Variants in NIPBL observed in about 807,000 individuals in gnomAD.
NIPBL encodes nipped-B-like protein.
Under a neutral mutation model 321.8 loss-of-function variants are expected in NIPBL, and 19 were observed. The observed-to-expected ratio is 0.06, with a 90% CI of 0.04 to 0.09. The LOEUF (loss-of-function observed/expected upper bound fraction) is 0.09, where lower values mean the gene tolerates loss of function less well. NIPBL is among the 10% of genes least tolerant of loss of function. The pLI is 1.00. For synonymous variants in NIPBL, 1,106 were observed against 1,114.1 expected (o/e 0.99, Z 0.14); for missense variants, 2,210 against 3,327.0 (o/e 0.66, Z 8.26).
intron 40 of NIPBL, among the ~76,000 whole-genome samples, chr5:37,049,553 A>C (rs1466130879): frequency 6.6e-6 from 1 of 152,164 alleles, no homozygotes; most frequent in African/African-American, 2.4e-5. Flanking sequence ...TTATTTTTCT[A>C]AGTATGGGTG....
At chr5:36,957,242 T>C (rs1741068797) in intron 3 of NIPBL, among the ~76,000 whole-genome samples, 2 of 152,180 alleles carry the variant, frequency 1.3e-5, no homozygotes, top group African/African-American at 2.4e-5. Context: ...TGCTGTGAAG[T>C]GTATTGAAAT....
intron 9 of NIPBL, among the ~76,000 whole-genome samples, chr5:36,979,550 C>T (rs186704787): frequency 1.4e-4 from 21 of 151,784 alleles, no homozygotes; most frequent in Non-Finnish European, 2.7e-4. Flanking sequence ...ATTTGACTTC[C>T]TCTTTTCCTA....
At chr5:36,897,249 G>A (rs550958946) in intron 1 of NIPBL, among the ~76,000 whole-genome samples, 1 of 152,178 alleles carries the variant, frequency 6.6e-6, no homozygotes, top group African/African-American at 2.4e-5. Flanking sequence ...TGATCCACCT[G>A]CTTTAGCCTC....
At chr5:37,032,225 A>C (rs1751111778) in intron 32 of NIPBL, among the ~76,000 whole-genome samples, 1 of 152,148 alleles carries the variant, frequency 6.6e-6, no homozygotes, top group African/African-American at 2.4e-5. Flanking sequence ...TGCATTTGAC[A>C]AAACTGAGCA....
intron 1 of NIPBL, among the ~76,000 whole-genome samples, chr5:36,940,173 AAC>A (rs896842618): frequency 6.6e-6 from 1 of 152,320 alleles, no homozygotes; most frequent in African/African-American, 2.4e-5. Context: ...TAATTCTGTA[AAC>A]ACAGTTATTG....
At chr5:36,952,759 TATTG>T (rs1561071426) in intron 1 of NIPBL, among the ~76,000 whole-genome samples, 1 of 152,220 alleles carries the variant, frequency 6.6e-6, no homozygotes, top group Non-Finnish European at 1.5e-5. Context: ...TGTGGTTGCA[TATTG>T]ATTATGTGAC....
rs143623825 is a variant in NIPBL, at chr5:36,996,315, G to A, written c.3304+511G>A. On this transcript the variant is annotated intron_variant, in intron 11 of 46. Transcript: ENST00000282516. The surrounding 1 kb of genome is among the most constrained non-coding windows in gnomAD (Gnocchi z 5.0). ...ACTTGAGTTGAGTCTTGAAGGACACGTAGGAGATAGCCAGATGAAGAAATA... is the reference window on the plus strand; with the variant it reads ...ACTTGAGTTGAGTCTTGAAGGACACATAGGAGATAGCCAGATGAAGAAATA... Among the ~76,000 whole-genome samples, 11 of 152,272 alleles carry A rather than the reference G, an allele frequency of 7.2e-5. No homozygotes were observed. The East Asian group carries it at 1.4e-3, about 19-fold the overall frequency.
chr5:36,998,513 A>G (rs748061409), intron 11 of NIPBL, among the ~76,000 whole-genome samples: 1 of 152,156 alleles, frequency 6.6e-6, no homozygotes, highest in Non-Finnish European at 1.5e-5. Context: ...GTCATATTCA[A>G]GGTTGTAAAA....
rs1741189318 is a variant in NIPBL at position 36,958,164 on chromosome 5, G to A, written c.291G>A (p.Gln97=). 1.9e-6 allele frequency: 3 copies of A among 1,613,972 alleles called. No individual in the cohort carries two copies. The highest frequency in any genetic ancestry group is 1.7e-6 in the Non-Finnish European group (2 of 1,179,916). The stretch of plus-strand genomic sequence containing the variant: ...AAGGTGACATACCAGTCTTGTTGCA[G>A]GCCGTCCTGGCAAGGAGTCCTAATG... ...DPEGDIPVLL[Q]AVLARSPNVF... is the part of the protein sequence containing the mutation. The change falls in exon 4 of 47, where the codon CAG becomes CAA. Residue 97 remains glutamine, a synonymous_variant. Coordinates refer to ENST00000282516, the MANE Select transcript of NIPBL (RefSeq NM_133433.4).
At chr5:36,952,113 G>A (rs1377289131) in intron 1 of NIPBL, among the ~76,000 whole-genome samples, 1 of 147,826 alleles carries the variant, frequency 6.8e-6, no homozygotes, top group Non-Finnish European at 1.5e-5. Context: ...TTGTGCAATA[G>A]GTCTTATATT....
intron 21 of NIPBL, among the ~76,000 whole-genome samples, chr5:37,011,978 A>AAG (rs1748180459): frequency 6.6e-6 from 1 of 152,094 alleles, no homozygotes; most frequent in African/African-American, 2.4e-5. Flanking sequence ...GTTTCAGTTT[A>AAG]TAGCCCTACT....
chr5:36,964,779 GT>G (rs953250985), intron 6 of NIPBL, among the ~76,000 whole-genome samples: 1 of 152,036 alleles, frequency 6.6e-6, no homozygotes, highest in Non-Finnish European at 1.5e-5. Flanking sequence ...CAAACTATCT[GT>G]TTGACAAGTG....
chr5:37,020,689 A>ATAAATGT lies in NIPBL; in HGVS notation c.5225+16_5225+17insTAAATGT. On this transcript the variant is annotated intron_variant, in intron 26 of 46. Coordinates refer to ENST00000282516, the MANE Select transcript of NIPBL (RefSeq NM_133433.4). ...GCACATTAAAGTAAGATCCAAGGAG[A>ATAAATGT]AAACAGTTTACATTTATCTCCTTGA... 6.2e-7 allele frequency: 1 copy of ATAAATGT among 1,608,466 alleles called. No homozygotes were observed.
chr5:36,904,593 G>A (rs1178666049), intron 1 of NIPBL, among the ~76,000 whole-genome samples: 1 of 152,160 alleles, frequency 6.6e-6, no homozygotes, highest in Non-Finnish European at 1.5e-5. Flanking sequence ...CAGCTTAGTT[G>A]AATGCCCTTT....
intron 1 of NIPBL, among the ~76,000 whole-genome samples, chr5:36,908,870 T>A (rs1747840178): frequency 6.6e-6 from 1 of 152,230 alleles, no homozygotes; most frequent in Non-Finnish European, 1.5e-5. Context: ...AGGAACAAGG[T>A]AAAGGAATGT....
chr5:36,935,188 G>A (rs1045175017), intron 1 of NIPBL, among the ~76,000 whole-genome samples: 3 of 151,996 alleles, frequency 2.0e-5, no homozygotes, highest in Non-Finnish European at 4.4e-5. Flanking sequence ...AAAGGCAGTG[G>A]GCTCTTAATG....
intron 21 of NIPBL, among the ~76,000 whole-genome samples, chr5:37,011,098 C>T (rs982821009): frequency 2.0e-5 from 3 of 152,072 alleles, no homozygotes; most frequent in Admixed American, 6.5e-5. Flanking sequence ...CTCATGCCGA[C>T]GATTTGCGTT....
chr5:36,878,950 C>T (rs1028261163), intron 1 of NIPBL, among the ~76,000 whole-genome samples: 2 of 148,754 alleles, frequency 1.3e-5, no homozygotes, highest in South Asian at 4.3e-4. Flanking sequence ...CTGTTTGCTA[C>T]GGGGCCTCAG....
At chr5:36,926,666 A>G (rs1243827903) in intron 1 of NIPBL, among the ~76,000 whole-genome samples, 1 of 152,176 alleles carries the variant, frequency 6.6e-6, no homozygotes, top group Admixed American at 6.5e-5. Flanking sequence ...TTCAAAGGAG[A>G]GGAATTAGCC....
Sources: allele counts gnomAD v4.1 joint callset (sites outside exome capture counted in the v4.1 genomes callset), GRCh38; gene constraint gnomAD v4.1.1; non-coding constraint Gnocchi (gnomAD v3.1); transcripts MANE v1.5; gene names NCBI Gene and HGNC (gene_info 2026-07-23, HGNC 2026-07-21).